ARHGAP24: variants seen among roughly 807,000 people sequenced by gnomAD.
ARHGAP24 encodes the protein rho GTPase-activating protein 24.
Under a neutral mutation model 76.4 loss-of-function variants are expected in ARHGAP24, and 50 were observed. The observed-to-expected ratio is 0.65, with a 90% confidence interval of 0.52 to 0.83. The LOEUF (loss-of-function observed/expected upper bound fraction) is 0.83. Among genes scored for constraint, ARHGAP24 ranks in the 40% least tolerant of loss-of-function variants. The pLI is 0.00. For missense variants in ARHGAP24, 930 were observed against 914.2 expected, an observed-to-expected ratio of 1.02 and a Z score of -0.22; for synonymous variants, 345 against 323.3, an observed-to-expected ratio of 1.07 and a Z score of -0.72.
chr4:85,885,814 T>C (rs1246641397), intron 3 of ARHGAP24, among the ~76,000 whole-genome samples: 1 of 152,116 alleles, frequency 6.6e-6, no homozygotes, highest in African/African-American at 2.4e-5. Flanking sequence ...ATTTAATTGT[T>C]TAAAGCTAGA....
At chr4:85,599,622 T>A (rs1194939881) in intron 2 of ARHGAP24, among the ~76,000 whole-genome samples, 1 of 152,152 alleles carries the variant, frequency 6.6e-6, no homozygotes, top group Non-Finnish European at 1.5e-5. Flanking sequence ...ATGATTTTAT[T>A]GAAAGAAAAC....
intron 2 of ARHGAP24, among the ~76,000 whole-genome samples, chr4:85,578,460 C>G (rs900292494): frequency 1.3e-5 from 2 of 152,212 alleles, no homozygotes; most frequent in African/African-American, 2.4e-5. Context: ...TCATAATTTT[C>G]TCCAGAATTG....
chr4:85,719,780 A>G (rs550994394), intron 2 of ARHGAP24, among the ~76,000 whole-genome samples: 108 of 152,300 alleles, frequency 7.1e-4, no homozygotes, highest in African/African-American at 2.4e-3. Context: ...AGGGAGATGG[A>G]CTTTAATCAA....
At chr4:85,617,177 C>T (rs183805457) in intron 2 of ARHGAP24, among the ~76,000 whole-genome samples, 1 of 146,812 alleles carries the variant, frequency 6.8e-6, no homozygotes, top group African/African-American at 2.5e-5. Context: ...TTAAATATAT[C>T]TATAATTCAT....
At chr4:85,680,281 A>C (rs763306094) in intron 2 of ARHGAP24, among the ~76,000 whole-genome samples, 11 of 152,212 alleles carry the variant, frequency 7.2e-5, no homozygotes, top group Non-Finnish European at 1.5e-4. Flanking sequence ...CAAAACAAAA[A>C]TAAATTTAAT....
At chr4:85,957,071 A>G (rs1174516064) in intron 5 of ARHGAP24, among the ~76,000 whole-genome samples, 2 of 151,934 alleles carry the variant, frequency 1.3e-5, no homozygotes, top group Non-Finnish European at 2.9e-5. Flanking sequence ...TTACTATCTG[A>G]TTGGTCAGGT....
intron 8 of ARHGAP24, among the ~76,000 whole-genome samples, chr4:85,979,995 C>T (rs1363926865): frequency 3.9e-5 from 6 of 152,184 alleles, no homozygotes; most frequent in Non-Finnish European, 7.3e-5. Flanking sequence ...GTTCTTTTGA[C>T]AGGCCTTCCT....
At chr4:85,619,928 T>C (rs972651406) in intron 2 of ARHGAP24, among the ~76,000 whole-genome samples, 1 of 151,990 alleles carries the variant, frequency 6.6e-6, no homozygotes, top group African/African-American at 2.4e-5. Context: ...GATCATATAA[T>C]TTTAATACTT....
At chr4:85,664,247 T>A (rs1255724483) in intron 2 of ARHGAP24, among the ~76,000 whole-genome samples, 4 of 151,240 alleles carry the variant, frequency 2.6e-5, no homozygotes, top group African/African-American at 9.9e-5. Flanking sequence ...TGGGAGAGTG[T>A]ATGTGTCGAG....
Position 85,850,649 on chromosome 4 carries a change from T to C in ARHGAP24, c.269-72999T>C, listed in dbSNP as rs1731170992. 2.0e-5 allele frequency among the ~76,000 whole-genome samples: 3 copies of C among 152,238 alleles called. No homozygotes were observed. The South Asian group carries it at 6.2e-4, about 31-fold the overall frequency. The stretch of plus-strand genomic sequence containing the variant: ...GTCCCAGAGATTCTGGTACATTGTG[T>C]CTTTGTTCTCATTGGTTTCAAAGAA... On this transcript the variant is annotated intron_variant, in intron 3 of 9. Coordinates refer to ENST00000395184, the MANE Select transcript of ARHGAP24 (RefSeq NM_001025616.3).
chr4:85,545,094 CT>C (rs58607125), intron 1 of ARHGAP24, among the ~76,000 whole-genome samples: 1 of 150,150 alleles, frequency 6.7e-6, no homozygotes, highest in Non-Finnish European at 1.5e-5. Flanking sequence ...TCTACAGTTT[CT>C]TTTTTTTTTA....
chr4:85,632,848 T>C (rs1721199899), intron 2 of ARHGAP24, among the ~76,000 whole-genome samples: 1 of 151,994 alleles, frequency 6.6e-6, no homozygotes, highest in Non-Finnish European at 1.5e-5. Flanking sequence ...AAATTAGGCT[T>C]TGTTTTCCCT....
intron 1 of ARHGAP24, among the ~76,000 whole-genome samples, chr4:85,495,225 TC>T (rs1314611358): frequency 7.9e-5 from 12 of 152,128 alleles, no homozygotes; most frequent in Non-Finnish European, 1.5e-4. Context: ...CTTCTTTCTT[TC>T]CTTGATTTGT....
chr4:85,624,086 C>G (rs138518509), intron 2 of ARHGAP24, among the ~76,000 whole-genome samples: 4 of 152,238 alleles, frequency 2.6e-5, no homozygotes, highest in African/African-American at 9.6e-5. Context: ...ATTTCCTTCT[C>G]CTGAGTGATT....
At chr4:85,919,628 C>T (rs1246477955) in intron 3 of ARHGAP24, among the ~76,000 whole-genome samples, 1 of 152,062 alleles carries the variant, frequency 6.6e-6, no homozygotes, top group Non-Finnish European at 1.5e-5. Context: ...GGGTCAGACA[C>T]GCAGCACCAC....
intron 2 of ARHGAP24, among the ~76,000 whole-genome samples, chr4:85,681,948 C>T (rs1723218237): frequency 6.6e-6 from 1 of 152,196 alleles, no homozygotes; most frequent in Non-Finnish European, 1.5e-5. Flanking sequence ...CCTTAAAATA[C>T]TCCTAGAATG....
chr4:85,875,776 CT>C, intron 3 of ARHGAP24, among the ~76,000 whole-genome samples: 1 of 147,854 alleles, frequency 6.8e-6, no homozygotes, highest in East Asian at 2.0e-4. Flanking sequence ...GAATATCGCT[CT>C]GTTGTCCAGG....
intron 1 of ARHGAP24, among the ~76,000 whole-genome samples, chr4:85,501,957 C>T (rs1425129965): frequency 6.6e-6 from 1 of 152,082 alleles, no homozygotes; most frequent in African/African-American, 2.4e-5. Context: ...CCAGTTTTCC[C>T]AGCCCTATTT....
chr4:85,970,178 C>T (rs961920226), intron 5 of ARHGAP24, among the ~76,000 whole-genome samples: 4 of 152,136 alleles, frequency 2.6e-5, no homozygotes, highest in Non-Finnish European at 4.4e-5. Context: ...CCACTCTGGG[C>T]TCTGACCTTC....
Sources: allele counts gnomAD v4.1 joint callset (sites outside exome capture counted in the v4.1 genomes callset), GRCh38; gene constraint gnomAD v4.1.1; transcripts MANE v1.5; gene names NCBI Gene and HGNC (gene_info 2026-07-23, HGNC 2026-07-21).